Variants in PDSS2 observed in about 807,000 individuals in gnomAD.
PDSS2 encodes all trans-polyprenyl-diphosphate synthase PDSS2.
Under a neutral mutation model 44.5 loss-of-function variants are expected in PDSS2, and 31 were observed. The ratio of observed to expected loss-of-function variants is 0.70; its 90% CI spans 0.52 to 0.94. The LOEUF (loss-of-function observed/expected upper bound fraction) is 0.94, where lower values mean the gene tolerates loss of function less well. Among genes scored for constraint, PDSS2 ranks in the 40% least tolerant of loss-of-function variants. The pLI is 0.00. For missense variants in PDSS2, 452 were observed against 482.2 expected (o/e 0.94, Z 0.59); for synonymous variants, 157 against 180.3 (o/e 0.87, Z 1.03).
At chr6:107,432,545 C>T (rs931816388) in intron 1 of PDSS2, among the ~76,000 whole-genome samples, 1 of 152,164 alleles carries the variant, frequency 6.6e-6, no homozygotes, top group African/African-American at 2.4e-5. Context: ...GATCCAAGCA[C>T]TTTGGGAGGC....
intron 1 of PDSS2, among the ~76,000 whole-genome samples, chr6:107,432,389 T>C (rs779775023): frequency 6.6e-6 from 1 of 152,238 alleles, no homozygotes; most frequent in South Asian, 2.1e-4. Context: ...ATTTATGGGA[T>C]ATTGATGCAT....
chr6:107,221,838 T>A (rs541841205), intron 4 of PDSS2, among the ~76,000 whole-genome samples: 293 of 152,144 alleles, frequency 1.9e-3, no homozygotes, highest in Non-Finnish European at 3.4e-3. Flanking sequence ...AGAACAAAGG[T>A]GAACTAATTG....
chr6:107,452,604 T>C (rs1197627256), intron 1 of PDSS2, among the ~76,000 whole-genome samples: 1 of 152,122 alleles, frequency 6.6e-6, no homozygotes, highest in Non-Finnish European at 1.5e-5. Flanking sequence ...GCAAATATTT[T>C]CTCCCAGTCT....
intron 1 of PDSS2, among the ~76,000 whole-genome samples, chr6:107,427,470 G>C (rs1781042084): frequency 6.6e-6 from 1 of 152,148 alleles, no homozygotes; most frequent in African/African-American, 2.4e-5. Flanking sequence ...TGATTTGAGA[G>C]AGCCTTTATG....
At chr6:107,323,844 T>C (rs1777457965) in intron 2 of PDSS2, among the ~76,000 whole-genome samples, 1 of 152,206 alleles carries the variant, frequency 6.6e-6, no homozygotes, top group Non-Finnish European at 1.5e-5. Context: ...TTTTTTACTA[T>C]TAACAAAAAC....
At chr6:107,228,489 T>A (rs970065545) in intron 4 of PDSS2, among the ~76,000 whole-genome samples, 1 of 151,928 alleles carries the variant, frequency 6.6e-6, no homozygotes, top group African/African-American at 2.4e-5. Context: ...AGGCCAGGAG[T>A]TCGAGACCAG....
intron 1 of PDSS2, among the ~76,000 whole-genome samples, chr6:107,364,421 G>C (rs1423240063): frequency 6.6e-6 from 1 of 152,214 alleles, no homozygotes; most frequent in African/African-American, 2.4e-5. Flanking sequence ...GCGAGAAATC[G>C]AGCACAGCGC....
intron 1 of PDSS2, among the ~76,000 whole-genome samples, chr6:107,337,135 A>G (rs1205353190): frequency 6.6e-6 from 1 of 152,010 alleles, no homozygotes; most frequent in African/African-American, 2.4e-5. Context: ...TGCTTTCTAT[A>G]TGTCAGAAAC....
chr6:107,225,161 A>ATT (rs71012786), intron 4 of PDSS2, among the ~76,000 whole-genome samples: 29 of 50,402 alleles, frequency 5.8e-4, no homozygotes, highest in Non-Finnish European at 7.6e-4. Flanking sequence ...ATATATATAT[A>ATT]TTTTTTTTTT....
At chr6:107,328,429 G>GTTTTC (rs898000889) in intron 2 of PDSS2, among the ~76,000 whole-genome samples, 37 of 152,148 alleles carry the variant, frequency 2.4e-4, no homozygotes, top group African/African-American at 6.5e-4. Context: ...TGGTGAAACT[G>GTTTTC]TTTTCTTTTC....
At chr6:107,335,401 T>TAAAAAATG (rs1336332439) in intron 1 of PDSS2, among the ~76,000 whole-genome samples, 1 of 152,156 alleles carries the variant, frequency 6.6e-6, no homozygotes, top group African/African-American at 2.4e-5. Flanking sequence ...TAAACAGTAG[T>TAAAAAATG]AAAAAATGAT....
chr6:107,396,513 G>C (rs917569825), intron 1 of PDSS2, among the ~76,000 whole-genome samples: 4 of 152,050 alleles, frequency 2.6e-5, no homozygotes, highest in Admixed American at 6.6e-5. Flanking sequence ...GTTGTTTATA[G>C]AGAAATGGCA....
At position 107,276,500 on chromosome 6, in the gene PDSS2, C is replaced by G. The variant is rs75333123; in HGVS notation, c.432-2273G>C. On this transcript the variant is annotated intron_variant, in intron 2 of 7. Transcript: ENST00000369037. Reference sequence around the variant, plus strand: ...TGCACCCATGGAGCCACATCCATATCGAGACCTAACAGAAATCATGAGATC... The same window carrying G: ...TGCACCCATGGAGCCACATCCATATGGAGACCTAACAGAAATCATGAGATC... 0.013 allele frequency among the ~76,000 whole-genome samples: 2,005 copies of G among 152,248 alleles called. 117 individuals are homozygous for G. In the East Asian group the frequency reaches 0.19, roughly 15 times the overall value.
At chr6:107,439,216 A>G (rs1489764343) in intron 1 of PDSS2, among the ~76,000 whole-genome samples, 3 of 152,240 alleles carry the variant, frequency 2.0e-5, no homozygotes, top group Non-Finnish European at 4.4e-5. Context: ...GAATACAGGT[A>G]TTGAAACAAG....
intron 1 of PDSS2, among the ~76,000 whole-genome samples, chr6:107,442,352 G>T (rs1457111172): frequency 6.6e-6 from 1 of 152,130 alleles, no homozygotes; most frequent in Non-Finnish European, 1.5e-5. Context: ...AGGAGGCAGA[G>T]GTCGCACTGA....
intron 1 of PDSS2, among the ~76,000 whole-genome samples, chr6:107,408,893 AC>A (rs1024532268): frequency 4.6e-5 from 7 of 152,178 alleles, no homozygotes; most frequent in African/African-American, 1.7e-4. Context: ...ATGACAGGAA[AC>A]AATACTTCCT....
chr6:107,337,659 T>C (rs1353212857), intron 1 of PDSS2, among the ~76,000 whole-genome samples: 1 of 152,248 alleles, frequency 6.6e-6, no homozygotes, highest in East Asian at 1.9e-4. Flanking sequence ...TGTTACTTTT[T>C]TGTGATCTTA....
chr6:107,403,305 A>G (rs140275322), intron 1 of PDSS2, among the ~76,000 whole-genome samples: 1 of 152,158 alleles, frequency 6.6e-6, no homozygotes, highest in African/African-American at 2.4e-5. Flanking sequence ...TATAAGAGGT[A>G]GGCTCCCACC....
intron 1 of PDSS2, among the ~76,000 whole-genome samples, chr6:107,413,342 T>C (rs1780562108): frequency 6.6e-6 from 1 of 152,160 alleles, no homozygotes. Context: ...AGGAGTTCAG[T>C]ACCAGCCTGA....
Sources: allele counts gnomAD v4.1 joint callset (sites outside exome capture counted in the v4.1 genomes callset), GRCh38; gene constraint gnomAD v4.1.1; transcripts MANE v1.5; gene names NCBI Gene and HGNC (gene_info 2026-07-23, HGNC 2026-07-21).